The following CRAMP1 variants were observed in gnomAD, a reference collection of about 807,000 sequenced individuals.
CRAMP1 encodes protein cramped-like.
CRAMP1 carries 50 observed loss-of-function variants against 115.4 expected under a neutral mutation model. The observed-to-expected ratio is 0.43, with a 90% confidence interval of 0.35 to 0.55. CRAMP1 has a LOEUF of 0.55. CRAMP1 is among the 20% of genes least tolerant of loss of function. CRAMP1 has a pLI of 0.01. For missense variants in CRAMP1, 1,679 were observed against 1,721.7 expected (o/e 0.98, Z 0.44); for synonymous variants, 866 against 745.4 (o/e 1.16, Z -2.64).
intron 2 of CRAMP1, among the ~76,000 whole-genome samples, chr16:1,618,250 C>A (rs2036437968): frequency 6.6e-6 from 1 of 152,124 alleles, no homozygotes; most frequent in Non-Finnish European, 1.5e-5. Context: ...CCATTGCACT[C>A]CAGCCTGGGC....
Position 1,614,729 on chromosome 16 carries a change from A to C in CRAMP1, c.90A>C (p.Gly30=). Reference sequence around the variant, plus strand: ...CGGCCGATGAGGAGTCCCTGGAAGGAGAAGGGGCCGGCGGCGCAGACGCGG... The same window carrying C: ...CGGCCGATGAGGAGTCCCTGGAAGGCGAAGGGGCCGGCGGCGCAGACGCGG... ...KRAADEESLE[G]EGAGGADAAE... is the part of the protein sequence containing the mutation. The change falls in exon 2 of 21, where the codon GGA becomes GGC. Residue 30 remains glycine (G), a synonymous_variant. Transcript: ENST00000397412. The surrounding 1 kb of genome is among the most constrained non-coding windows in gnomAD (Gnocchi z 4.4). 1 of 1,366,220 alleles carries C rather than the reference A, an allele frequency of 7.3e-7. No homozygotes were observed. The highest frequency in any genetic ancestry group is 9.5e-7 in the Non-Finnish European group (1 of 1,047,622). The allele number at this position is 1,366,220 out of a possible 1,614,324, so 84.6% of individuals were successfully genotyped here.
Position 1,666,161 on chromosome 16 carries a change from C to T in CRAMP1, c.2841C>T (p.Ala947=), listed in dbSNP as rs2036874141. The T allele has an allele frequency of 6.2e-7, 1 of 1,606,552 alleles. No homozygotes were observed. Among genetic ancestry groups the T allele is most frequent in the Non-Finnish European group, 8.5e-7 (1 of 1,176,340 alleles). The change falls in exon 15 of 21, where the codon GCC becomes GCT. Residue 947 remains alanine, a synonymous_variant. Coordinates refer to ENST00000397412, the MANE Select transcript of CRAMP1 (RefSeq NM_020825.4). This position sits in a 1 kb window ranked among gnomAD's most constrained non-coding sequence, Gnocchi z 5.0. ...PIVPKVLPPQ[A]TSHLASAIDL... ...TGCCCAAGGTCCTTCCACCCCAGGC[C>T]ACGAGTCACCTGGCCAGTAAGTCTG...
chr16:1,672,151 T>C lies in CRAMP1; in HGVS notation c.3645+1342T>C, dbSNP rs2036928221. On this transcript the variant is annotated intron_variant, in intron 20 of 20. Coordinates refer to ENST00000397412, the MANE Select transcript of CRAMP1 (RefSeq NM_020825.4). This position sits in a 1 kb window ranked among gnomAD's most constrained non-coding sequence, Gnocchi z 4.9. ...GCCACAGCCCAGTGACAGGAGCCCC[T>C]TGGAGTCAGAAATCCAGAGTGTTAG... is the stretch of plus-strand genomic sequence containing the variant. Among the ~76,000 whole-genome samples the C allele has an allele frequency of 6.6e-6, 1 of 152,222 alleles. No homozygotes were observed. Among genetic ancestry groups the C allele is most frequent in the South Asian group, 2.1e-4 (1 of 4,830 alleles).
At chr16:1,660,973 C>T (rs2036823958) in intron 11 of CRAMP1, among the ~76,000 whole-genome samples, 1 of 152,060 alleles carries the variant, frequency 6.6e-6, no homozygotes, top group African/African-American at 2.4e-5. Flanking sequence ...CGCGCCACTG[C>T]ACTCCAGCTC....
At position 1,633,721 on chromosome 16, in the gene CRAMP1, A is replaced by G. The variant is rs1596485670; in HGVS notation, c.694+1356A>G. ...GAGTGGCACGCAGCACCGACTTTTCATTGTCGGCCTCTTCCTGTGTCGTCT... is the reference window on the plus strand; with the variant it reads ...GAGTGGCACGCAGCACCGACTTTTCGTTGTCGGCCTCTTCCTGTGTCGTCT... On this transcript the variant is annotated intron_variant, in intron 4 of 20. Coordinates refer to ENST00000397412, the MANE Select transcript of CRAMP1 (RefSeq NM_020825.4). Among the ~76,000 whole-genome samples the G allele has an allele frequency of 2.6e-5, 4 of 152,182 alleles. No homozygotes were observed. The East Asian group carries it at 5.8e-4, about 22-fold the overall frequency.
At chr16:1,652,444 G>T (rs2036732399) in intron 6 of CRAMP1, 52 bp from the exon 7 acceptor site, 1 of 1,492,910 alleles carries the variant, frequency 6.7e-7, no homozygotes, top group Non-Finnish European at 9.1e-7. Flanking sequence ...TGGCCCTTCC[G>T]TCCTTCTGTT....
At chr16:1,670,842 C>T (rs749211670) in intron 20 of CRAMP1, 33 bp downstream of exon 20, 10 of 1,608,280 alleles carry the variant, frequency 6.2e-6, no homozygotes, top group South Asian at 1.1e-5. Flanking sequence ...TGCACCTGAC[C>T]ACCAACCCTC....
rs373328340 is a variant in CRAMP1, at chr16:1,656,375, G to A, written c.1618G>A (p.Ala540Thr). The A allele has an allele frequency of 3.0e-5, 48 of 1,598,262 alleles. No homozygotes were observed. The highest frequency in any genetic ancestry group is 3.7e-5 in the Non-Finnish European group (43 of 1,172,836). ...GRDSPTREPG[A>T]LPCACGQLPD... ...GGACAGTCCCACCCGGGAGCCAGGG[G>A]CCTTGCCGTGTGCCTGTGGCCAGCT... The change falls in exon 10 of 21, where the codon GCC (alanine) becomes ACC (threonine). Residue 540 changes from alanine to threonine, a missense_variant. Ala to Thr is a moderately conservative substitution (Grantham distance 58). Around this residue, in one of 8 missense-constraint regions of CRAMP1, gnomAD observed 405 missense variants for 302.6 expected, o/e 1.34. Coordinates refer to ENST00000397412, the MANE Select transcript of CRAMP1 (RefSeq NM_020825.4). The surrounding 1 kb of genome is among the most constrained non-coding windows in gnomAD (Gnocchi z 5.6).
chr16:1,653,016 GTTC>G lies in CRAMP1; in HGVS notation c.914-12_914-10del, dbSNP rs771777432. On this transcript the variant is annotated splice_polypyrimidine_tract_variant and intron_variant, in intron 7 of 20. Transcript: ENST00000397412. ...GGTTGGGCTGCACTAAACTTTCATG[GTTC>G]TTCTGCATTGCAGGCTTGAGTGATG... 10 of 1,613,384 alleles carry G rather than the reference GTTC, an allele frequency of 6.2e-6. No individual in the cohort carries two copies. The South Asian group carries it at 8.8e-5, about 14-fold the overall frequency.
chr16:1,627,976 C>T (rs537456195), intron 3 of CRAMP1, among the ~76,000 whole-genome samples: 140 of 152,270 alleles, frequency 9.2e-4, no homozygotes, highest in African/African-American at 3.2e-3. Context: ...TGCCTGGGAG[C>T]AGGAGATGTG....
At chr16:1,635,852 A>G (rs925668859) in intron 4 of CRAMP1, among the ~76,000 whole-genome samples, 2 of 152,030 alleles carry the variant, frequency 1.3e-5, no homozygotes, top group East Asian at 1.9e-4. Context: ...TCCTGTCTCT[A>G]TGGATCGTTC....
intron 3 of CRAMP1, 72 bp downstream of exon 3, chr16:1,626,238 G>T: frequency 7.4e-7 from 1 of 1,345,450 alleles, no homozygotes; most frequent in Non-Finnish European, 9.9e-7. Context: ...CGTTCCCCGT[G>T]CTTCCTCTTT....
chr16:1,637,612 C>T (rs1285918880), intron 4 of CRAMP1, among the ~76,000 whole-genome samples: 2 of 152,190 alleles, frequency 1.3e-5, no homozygotes, highest in African/African-American at 4.8e-5. Context: ...TTCTAACGCC[C>T]CACTTTGGTT....
chr16:1,639,011 C>G (rs898451483), intron 5 of CRAMP1, among the ~76,000 whole-genome samples: 1 of 152,074 alleles, frequency 6.6e-6, no homozygotes, highest in Non-Finnish European at 1.5e-5. Flanking sequence ...CTCTTCATGC[C>G]TGTTCCTGCC....
At chr16:1,637,974 C>T (rs1474259190) in intron 5 of CRAMP1, 67 bp downstream of exon 5, 5 of 730,786 alleles carry the variant, frequency 6.8e-6, no homozygotes, top group Non-Finnish European at 1.0e-5. Flanking sequence ...GGCTTTAGTG[C>T]TCAGAGTTGT....
intron 6 of CRAMP1, among the ~76,000 whole-genome samples, chr16:1,646,054 C>T (rs1333789704): frequency 6.6e-6 from 1 of 152,148 alleles, no homozygotes; most frequent in Non-Finnish European, 1.5e-5. Context: ...TGGGCGTCCC[C>T]ACTCAGCAGT....
At chr16:1,652,389 C>T (rs374467009) in intron 6 of CRAMP1, 107 bp from the exon 7 acceptor site, 2 of 947,216 alleles carry the variant, frequency 2.1e-6, no homozygotes, top group South Asian at 1.7e-5. Flanking sequence ...GGGGTGGATG[C>T]TTGGCCAGGC....
At chr16:1,632,785 C>T (rs887919108) in intron 4 of CRAMP1, among the ~76,000 whole-genome samples, 1 of 152,344 alleles carries the variant, frequency 6.6e-6, no homozygotes, top group East Asian at 1.9e-4. Context: ...CCAGGCCTCT[C>T]GCCCTCTACA....
intron 6 of CRAMP1, among the ~76,000 whole-genome samples, chr16:1,642,189 C>G (rs1176228988): frequency 6.6e-6 from 1 of 152,220 alleles, no homozygotes; most frequent in Non-Finnish European, 1.5e-5. Context: ...CCTTACCCAT[C>G]TCTCTTCCGT....
Sources: allele counts gnomAD v4.1 joint callset (sites outside exome capture counted in the v4.1 genomes callset), GRCh38; gene constraint gnomAD v4.1.1; regional missense constraint gnomAD v4.1.1; non-coding constraint Gnocchi (gnomAD v3.1); transcripts MANE v1.5; gene names NCBI Gene and HGNC (gene_info 2026-07-23, HGNC 2026-07-21).